TMEM132C: variants seen among roughly 807,000 people sequenced by gnomAD.
The protein encoded by TMEM132C is transmembrane protein 132C.
TMEM132C carries 29 observed loss-of-function variants against 61.4 expected under a neutral mutation model. That is an observed-to-expected ratio of 0.47 (90% confidence interval 0.35 to 0.64). The LOEUF (loss-of-function observed/expected upper bound fraction) is 0.64. Ranked by LOEUF, TMEM132C falls within the 30% of genes least tolerant of loss-of-function variation. The pLI is 0.00. For synonymous variants in TMEM132C, 656 were observed against 633.1 expected (o/e 1.04, Z -0.54); for missense variants, 1,408 against 1,476.9 (o/e 0.95, Z 0.76).
intron 3 of TMEM132C, among the ~76,000 whole-genome samples, chr12:128,568,597 G>A (rs1874775555): frequency 6.6e-6 from 1 of 152,172 alleles, no homozygotes; most frequent in East Asian, 1.9e-4. Context: ...GAAGCCCAGA[G>A]CGTTTAAGAA....
chr12:128,705,023 C>T, intron 8 of TMEM132C, 67 bp from the exon 9 acceptor site: 1 of 1,453,552 alleles, frequency 6.9e-7, no homozygotes, highest in Non-Finnish European at 9.1e-7. Context: ...GGGCGTCCTC[C>T]TAGGAGGGGG....
intron 1 of TMEM132C, among the ~76,000 whole-genome samples, chr12:128,346,774 C>A (rs1183830155): frequency 1.3e-5 from 2 of 152,104 alleles, no homozygotes; most frequent in Non-Finnish European, 2.9e-5. Context: ...GATCTTGGCA[C>A]CCTCGTCAAA....
chr12:128,570,929 C>T lies in TMEM132C; in HGVS notation c.1121+26826C>T, dbSNP rs1161214987. Among the ~76,000 whole-genome samples, 1 of 152,192 alleles carries T rather than the reference C, an allele frequency of 6.6e-6. No homozygotes were observed. Among genetic ancestry groups the T allele is most frequent in the African/African-American group, 2.4e-5 (1 of 41,448 alleles). On this transcript the variant is annotated intron_variant, in intron 3 of 8. Coordinates refer to ENST00000435159, the MANE Select transcript of TMEM132C (RefSeq NM_001136103.3). This position sits in a 1 kb window ranked among gnomAD's most constrained non-coding sequence, Gnocchi z 4.7. ...GGAAGTCTGGGGAAGTTACTATTTT[C>T]ACTTTGGCACGTTACCACCCTGAAA...
At chr12:128,441,255 C>T (rs1184001318) in intron 2 of TMEM132C, among the ~76,000 whole-genome samples, 1 of 152,200 alleles carries the variant, frequency 6.6e-6, no homozygotes, top group Non-Finnish European at 1.5e-5. Context: ...AGGGCACATG[C>T]ATCCAGTTCA....
At chr12:128,449,236 C>T (rs1007573054) in intron 2 of TMEM132C, among the ~76,000 whole-genome samples, 1 of 151,318 alleles carries the variant, frequency 6.6e-6, no homozygotes, top group African/African-American at 2.4e-5. Flanking sequence ...CATTTTTCTG[C>T]TCCAAGAGTT....
rs759546644 is a variant in TMEM132C at position 128,630,703 on chromosome 12, C to T, written c.1305+14368C>T. Among the ~76,000 whole-genome samples the T allele has an allele frequency of 3.3e-5, 5 of 152,268 alleles. No homozygotes were observed. The highest frequency in any genetic ancestry group is 6.5e-5 in the Admixed American group (1 of 15,298). On this transcript the variant is annotated intron_variant, in intron 4 of 8. Transcript: ENST00000435159. This position sits in a 1 kb window ranked among gnomAD's most constrained non-coding sequence, Gnocchi z 4.3. ...TCCAGATCACTGCTCAATATCTAGT[C>T]GATGGCCAAAACATATCTACATTGA...
At chr12:128,586,988 C>T (rs1875571437) in intron 3 of TMEM132C, among the ~76,000 whole-genome samples, 1 of 152,172 alleles carries the variant, frequency 6.6e-6, no homozygotes, top group South Asian at 2.1e-4. Flanking sequence ...CTTCCGTTTT[C>T]ACTTAGAGCC....
At position 128,348,800 on chromosome 12, in the gene TMEM132C, C is replaced by T. The variant is rs557546637; in HGVS notation, c.86-65932C>T. On this transcript the variant is annotated intron_variant, in intron 1 of 8. Coordinates refer to ENST00000435159, the MANE Select transcript of TMEM132C (RefSeq NM_001136103.3). ...GTAAATCATCATTAGGGCTTCTTTG[C>T]AGCTCAAACACGCAGTTTCTTTGCA... is the stretch of plus-strand genomic sequence containing the variant. Among the ~76,000 whole-genome samples the T allele has an allele frequency of 9.9e-4, 151 of 152,344 alleles. 3 individuals carry two copies. Among genetic ancestry groups the T allele is most frequent in the South Asian group, 6.8e-3 (33 of 4,830 alleles).
At chr12:128,291,283 C>T (rs1175198812) in intron 1 of TMEM132C, among the ~76,000 whole-genome samples, 1 of 152,198 alleles carries the variant, frequency 6.6e-6, no homozygotes, top group African/African-American at 2.4e-5. Flanking sequence ...TCCAGTTCCC[C>T]TCTGGTGTAG....
intron 2 of TMEM132C, among the ~76,000 whole-genome samples, chr12:128,492,777 A>G (rs781560627): frequency 7.9e-5 from 12 of 152,166 alleles, no homozygotes; most frequent in Non-Finnish European, 1.6e-4. Flanking sequence ...GTAGATTGCA[A>G]AAACTTTCTC....
At chr12:128,600,261 T>C (rs929496643) in intron 3 of TMEM132C, among the ~76,000 whole-genome samples, 7 of 152,094 alleles carry the variant, frequency 4.6e-5, no homozygotes, top group Admixed American at 1.3e-4. Context: ...GTATTACAGG[T>C]GTGAGCCACC....
intron 1 of TMEM132C, among the ~76,000 whole-genome samples, chr12:128,402,242 CTTTTA>C (rs1386870665): frequency 6.6e-6 from 1 of 152,210 alleles, no homozygotes; most frequent in Admixed American, 6.5e-5. Context: ...TTTGTTTTAG[CTTTTA>C]TTTTAAGTTC....
At chr12:128,337,425 G>A (rs1872819133) in intron 1 of TMEM132C, among the ~76,000 whole-genome samples, 2 of 152,184 alleles carry the variant, frequency 1.3e-5, no homozygotes, top group South Asian at 4.1e-4. Context: ...AAAGGCTTTG[G>A]AAATGTGTGT....
At chr12:128,556,162 G>A (rs948651465) in intron 3 of TMEM132C, among the ~76,000 whole-genome samples, 1 of 152,198 alleles carries the variant, frequency 6.6e-6, no homozygotes, top group African/African-American at 2.4e-5. Flanking sequence ...AGACCGAAGG[G>A]CCAGATCTGG....
chr12:128,643,441 T>A (rs1954172795), intron 4 of TMEM132C, among the ~76,000 whole-genome samples: 1 of 151,298 alleles, frequency 6.6e-6, no homozygotes, highest in African/African-American at 2.4e-5. Context: ...ATTGAGGAGG[T>A]AACGAAACCT....
At chr12:128,622,355 A>AT (rs1953971301) in intron 4 of TMEM132C, among the ~76,000 whole-genome samples, 5 of 62,780 alleles carry the variant, frequency 8.0e-5, no homozygotes, top group African/African-American at 3.7e-4. Context: ...AAAAAAAAAA[A>AT]AAAAAATATA....
At chr12:128,597,500 G>GGAAGGAAGGAAGGAAA (rs1290462197) in intron 3 of TMEM132C, among the ~76,000 whole-genome samples, 15 of 5,374 alleles carry the variant, frequency 2.8e-3, no homozygotes, top group African/African-American at 2.8e-3. Flanking sequence ...AAGGAAAGAA[G>GGAAGGAAGGAAGGAAA]GAAGGAAGGA....
At chr12:128,346,296 G>C (rs1194947193) in intron 1 of TMEM132C, among the ~76,000 whole-genome samples, 1 of 152,098 alleles carries the variant, frequency 6.6e-6, no homozygotes, top group Non-Finnish European at 1.5e-5. Flanking sequence ...TGCAGTTTTG[G>C]TTAATGTAGC....
intron 4 of TMEM132C, among the ~76,000 whole-genome samples, chr12:128,658,039 G>GCACCTTTTTAGTTTGAACTCATGA (rs1954344703): frequency 1.3e-5 from 2 of 151,234 alleles, no homozygotes; most frequent in South Asian, 2.1e-4. Context: ...CACAAGGCAG[G>GCACCTTTTTAGTTTGAACTCATGA]AGCAGGGACG....
Sources: gnomAD v4.1 joint callset for allele counts (sites outside exome capture counted in the v4.1 genomes callset) on GRCh38, gnomAD v4.1.1 for gene constraint, Gnocchi (gnomAD v3.1) non-coding constraint, MANE v1.5 for transcripts, NCBI Gene and HGNC (gene_info 2026-07-23, HGNC 2026-07-21) for gene names.